Variants in SFI1 observed in about 807,000 individuals in gnomAD.
The protein encoded by SFI1 is SFI1 centrin binding protein.
SFI1 carries 195 observed loss-of-function variants against 207.5 expected under a neutral mutation model. The ratio of observed to expected loss-of-function variants is 0.94; its 90% CI spans 0.84 to 1.06. The LOEUF is 1.06. SFI1 is among the 50% of genes least tolerant of loss of function. The probability of loss-of-function intolerance (pLI) is 0.00; values close to 1 mark genes in which losing one functional copy is unlikely to be tolerated. For synonymous variants in SFI1, 630 were observed against 598.9 expected (o/e 1.05, Z -0.76); for missense variants, 1,634 against 1,588.0 (o/e 1.03, Z -0.49).
At position 31,606,421 on chromosome 22, in the gene SFI1, A is replaced by G; in HGVS notation, c.2148A>G (p.Ile716Met). The change falls in exon 21 of 33, where the codon ATA (isoleucine) becomes ATG (methionine). Residue 716 changes from isoleucine to methionine, a missense_variant. Transcript: ENST00000400288. The part of the protein sequence containing the change: ...FQASTHYRRT[I>M]CSKVLVQWRE... ...CAAGTACTCATTACAGAAGGACCAT[A>G]TGTTCCAAGGTGAGGTATAAGGAGG... 8.7e-6 allele frequency: 14 copies of G among 1,613,612 alleles called. No homozygotes were observed. The highest frequency in any genetic ancestry group is 1.2e-5 in the Non-Finnish European group (14 of 1,179,928).
At chr22:31,502,404 C>T in intron 1 of SFI1, among the ~76,000 whole-genome samples, 1 of 148,982 alleles carries the variant, frequency 6.7e-6, no homozygotes, top group Non-Finnish European at 1.5e-5. Flanking sequence ...GATGGAGTTT[C>T]ACGCTTGTCA....
chr22:31,505,101 C>T (rs1398779340), intron 1 of SFI1, among the ~76,000 whole-genome samples: 1 of 152,092 alleles, frequency 6.6e-6, no homozygotes, highest in African/African-American at 2.4e-5. Context: ...ATAATTTATT[C>T]AGTTCCTAAT....
intron 4 of SFI1, among the ~76,000 whole-genome samples, chr22:31,545,376 G>GA (rs916109620): frequency 4.5e-4 from 66 of 146,694 alleles, no homozygotes; most frequent in Non-Finnish European, 8.1e-4. Flanking sequence ...AAAAAAAAAA[G>GA]AAAAAAAAAA....
chr22:31,527,103 G>A (rs1006650260), intron 2 of SFI1, among the ~76,000 whole-genome samples: 4 of 151,592 alleles, frequency 2.6e-5, no homozygotes, highest in African/African-American at 9.7e-5. Context: ...CGCCATGTTG[G>A]CCAGGCTGGT....
chr22:31,502,504 G>A (rs2053959167), intron 1 of SFI1, among the ~76,000 whole-genome samples: 1 of 151,854 alleles, frequency 6.6e-6, no homozygotes, highest in Non-Finnish European at 1.5e-5. Context: ...CTCCCAAGTA[G>A]CTGGGATTAC....
intron 2 of SFI1, among the ~76,000 whole-genome samples, chr22:31,528,219 A>G (rs762360729): frequency 6.6e-6 from 1 of 152,110 alleles, no homozygotes; most frequent in Non-Finnish European, 1.5e-5. Flanking sequence ...CAGGAGTTCA[A>G]GACCAGCCTG....
chr22:31,543,687 G>A (rs748796826), intron 4 of SFI1, among the ~76,000 whole-genome samples: 22 of 151,886 alleles, frequency 1.4e-4, no homozygotes, highest in Admixed American at 1.1e-3. Flanking sequence ...GCACACGCCT[G>A]TAGTCCCAGC....
At position 31,572,358 on chromosome 22, in the gene SFI1, T is replaced by C. The variant is rs779956372; in HGVS notation, c.766-700T>C. Among the ~76,000 whole-genome samples, 74 of 152,160 alleles carry C rather than the reference T, an allele frequency of 4.9e-4. 1 individual carries two copies. Among genetic ancestry groups the C allele is most frequent in the Non-Finnish European group, 9.1e-4 (62 of 68,026 alleles). Reference sequence around the variant, plus strand: ...CCCTTGTAGACCCTTAGCTTCTATATATAGGCATCCCTGGAACTAATCTGC... The same window carrying C: ...CCCTTGTAGACCCTTAGCTTCTATACATAGGCATCCCTGGAACTAATCTGC... On this transcript the variant is annotated intron_variant, in intron 8 of 32. Transcript: ENST00000400288.
intron 4 of SFI1, among the ~76,000 whole-genome samples, chr22:31,545,079 A>AG (rs2059942341): frequency 6.6e-6 from 1 of 151,980 alleles, no homozygotes; most frequent in Non-Finnish European, 1.5e-5. Context: ...AAAAAAATTT[A>AG]GGGGGGGCTG....
rs1355113720 is a variant in SFI1, at chr22:31,544,186, C to CA, written c.339-2668dup. Among the ~76,000 whole-genome samples the CA allele has an allele frequency of 4.6e-5, 7 of 152,124 alleles. No individual in the cohort carries two copies. In the East Asian group the frequency reaches 1.4e-3, roughly 29 times the overall value. On this transcript the variant is annotated intron_variant, in intron 4 of 32. Coordinates refer to ENST00000400288, the MANE Select transcript of SFI1 (RefSeq NM_001007467.3). ...CTTGGGTGATATAGCAAGACTGTCT[C>CA]AAAAAAATTTTTAAAAAATCAGCAC...
chr22:31,549,505 C>A (rs907648877), intron 5 of SFI1, among the ~76,000 whole-genome samples: 2 of 151,746 alleles, frequency 1.3e-5, no homozygotes, highest in Non-Finnish European at 2.9e-5. Context: ...GCTGAGACTA[C>A]AGGCACATGC....
intron 2 of SFI1, among the ~76,000 whole-genome samples, chr22:31,522,830 A>G (rs5753675): frequency 0.084 from 12,733 of 151,976 alleles, 895 homozygotes; most frequent in East Asian, 0.37. Flanking sequence ...TAATTTTTGT[A>G]TTTTTAGTAG....
chr22:31,510,083 G>T (rs2055265668), intron 2 of SFI1, among the ~76,000 whole-genome samples: 1 of 152,072 alleles, frequency 6.6e-6, no homozygotes, highest in East Asian at 1.9e-4. Flanking sequence ...GCCCACCTCT[G>T]CCTGCCAAAG....
At chr22:31,604,248 C>A in intron 18 of SFI1, 61 bp from the exon 19 acceptor site, 1 of 1,349,740 alleles carries the variant, frequency 7.4e-7, no homozygotes, top group Non-Finnish European at 1.0e-6. Context: ...GGAGGCAAAG[C>A]AGGAAGCCAC....
At chr22:31,615,614 C>T (rs756220513) in intron 29 of SFI1, 23 of 248,968 alleles carry the variant, frequency 9.2e-5, no homozygotes, top group Non-Finnish European at 1.1e-4. Context: ...AGTAGGAAGT[C>T]GGGGAAGGGT....
At chr22:31,537,967 TTTTG>T (rs143156888) in intron 4 of SFI1, among the ~76,000 whole-genome samples, 1,882 of 152,160 alleles carry the variant, frequency 0.012, 41 homozygotes, top group African/African-American at 0.043. Flanking sequence ...TAGCTTTGTT[TTTTG>T]TTTGTTTGTT....
chr22:31,602,574 T>G (rs1422289207), intron 16 of SFI1, 33 bp from the exon 17 acceptor site: 1 of 1,609,184 alleles, frequency 6.2e-7, no homozygotes, highest in East Asian at 2.2e-5. Flanking sequence ...CCTACTTGAT[T>G]TATTCTGTTC....
At chr22:31,533,578 C>CA (rs11334412) in intron 4 of SFI1, among the ~76,000 whole-genome samples, 4,581 of 148,956 alleles carry the variant, frequency 0.031, 100 homozygotes, top group South Asian at 0.08. Context: ...GAAAAAGAAA[C>CA]AAAAAAAAAA....
At chr22:31,554,464 C>T (rs766886523) in intron 6 of SFI1, among the ~76,000 whole-genome samples, 3 of 151,808 alleles carry the variant, frequency 2.0e-5, no homozygotes, top group African/African-American at 4.8e-5. Context: ...GCCCACCACC[C>T]CGCCCGGCTA....
Sources: gnomAD v4.1 joint callset for allele counts (sites outside exome capture counted in the v4.1 genomes callset) on GRCh38, gnomAD v4.1.1 for gene constraint, MANE v1.5 for transcripts, NCBI Gene and HGNC (gene_info 2026-07-23, HGNC 2026-07-21) for gene names.